Variants in B4GALT6 observed in about 807,000 individuals in gnomAD.
The protein encoded by B4GALT6 is UDP-Gal:beta-GlcNAc beta-1,4-galactosyltransferase 6.
B4GALT6 carries 14 observed loss-of-function variants against 46.3 expected under a neutral mutation model. That is an observed-to-expected ratio of 0.30 (90% confidence interval 0.20 to 0.47). B4GALT6 has a LOEUF of 0.47. B4GALT6 is among the 20% of genes least tolerant of loss of function. The pLI is 0.99. For missense variants in B4GALT6, 386 were observed against 480.1 expected (o/e 0.80, Z 1.83); for synonymous variants, 168 against 162.0 (o/e 1.04, Z -0.28).
At chr18:31,718,239 T>C in the B4GALT6 span, among the ~76,000 whole-genome samples, 1 of 152,208 alleles carries the variant, frequency 6.6e-6, no homozygotes, top group African/African-American at 2.4e-5. Flanking sequence ...TATTTTTGGT[T>C]GTCTCAACTA....
the B4GALT6 span, among the ~76,000 whole-genome samples, chr18:31,711,445 G>C: frequency 6.6e-6 from 1 of 151,618 alleles, no homozygotes; most frequent in South Asian, 2.1e-4. Context: ...GTCTCTTGCT[G>C]TCCCCCTCTT....
chr18:31,634,528 T>C (rs968805633), intron 5 of B4GALT6, among the ~76,000 whole-genome samples: 1 of 152,210 alleles, frequency 6.6e-6, no homozygotes, highest in Non-Finnish European at 1.5e-5. Context: ...CAGCACTCCA[T>C]CTGCTTCCTG....
At chr18:31,638,979 T>C (rs911835917) in intron 4 of B4GALT6, among the ~76,000 whole-genome samples, 2 of 152,206 alleles carry the variant, frequency 1.3e-5, no homozygotes, top group African/African-American at 4.8e-5. Flanking sequence ...TGAAGCGTTT[T>C]CTAAAGATTG....
At chr18:31,637,228 C>A (rs575103128) in intron 5 of B4GALT6, among the ~76,000 whole-genome samples, 2 of 152,162 alleles carry the variant, frequency 1.3e-5, no homozygotes, top group Non-Finnish European at 2.9e-5. Context: ...ATGATTTATT[C>A]AGCTTTGATA....
At chr18:31,708,963 C>G in the B4GALT6 span, among the ~76,000 whole-genome samples, 1 of 152,194 alleles carries the variant, frequency 6.6e-6, no homozygotes, top group Non-Finnish European at 1.5e-5. Flanking sequence ...TTAACTTTCA[C>G]AATTGTTGCA....
At chr18:31,639,074 G>A (rs2073898499) in intron 4 of B4GALT6, among the ~76,000 whole-genome samples, 1 of 152,214 alleles carries the variant, frequency 6.6e-6, no homozygotes, top group African/African-American at 2.4e-5. Flanking sequence ...GTGGCAATAT[G>A]GAGGGCAGAC....
chr18:31,640,618 C>G (rs1003089129), intron 4 of B4GALT6, among the ~76,000 whole-genome samples: 1 of 152,160 alleles, frequency 6.6e-6, no homozygotes, highest in Non-Finnish European at 1.5e-5. Context: ...AGGTCTGGTG[C>G]CCCTGCCAGC....
chr18:31,697,325 G>A, the B4GALT6 span, among the ~76,000 whole-genome samples: 1 of 151,956 alleles, frequency 6.6e-6, no homozygotes, highest in South Asian at 2.1e-4. Flanking sequence ...GGAGAAGATG[G>A]CAGGCAGACT....
chr18:31,708,345 A>C, the B4GALT6 span, among the ~76,000 whole-genome samples: 1 of 152,188 alleles, frequency 6.6e-6, no homozygotes, highest in African/African-American at 2.4e-5. Flanking sequence ...CGGGCAGATC[A>C]CTTGAGGCCA....
intron 1 of B4GALT6, among the ~76,000 whole-genome samples, chr18:31,676,456 T>C (rs976502126): frequency 6.6e-6 from 1 of 152,176 alleles, no homozygotes; most frequent in Non-Finnish European, 1.5e-5. Flanking sequence ...TTACAATGTC[T>C]CTAATAATTA....
At chr18:31,639,968 A>G (rs1381630676) in intron 4 of B4GALT6, among the ~76,000 whole-genome samples, 3 of 152,182 alleles carry the variant, frequency 2.0e-5, no homozygotes, top group Non-Finnish European at 2.9e-5. Context: ...AGTGTTTTCA[A>G]AATTACTTTT....
intron 1 of B4GALT6, among the ~76,000 whole-genome samples, chr18:31,668,075 C>T (rs984740129): frequency 2.8e-5 from 4 of 143,914 alleles, no homozygotes; most frequent in Non-Finnish European, 3.0e-5. Flanking sequence ...CCAGCCTGGG[C>T]GAGGGAGCAA....
At chr18:31,668,733 G>C (rs2074312572) in intron 1 of B4GALT6, among the ~76,000 whole-genome samples, 1 of 151,902 alleles carries the variant, frequency 6.6e-6, no homozygotes, top group Non-Finnish European at 1.5e-5. Flanking sequence ...GGGCGTGGTG[G>C]CTCATGCCTG....
the B4GALT6 span, among the ~76,000 whole-genome samples, chr18:31,698,586 G>A: frequency 1.6e-4 from 25 of 151,738 alleles, no homozygotes; most frequent in Admixed American, 5.2e-4. Context: ...AGCCAAGATC[G>A]TGCCACTGCA....
the B4GALT6 span, among the ~76,000 whole-genome samples, chr18:31,702,778 G>A: frequency 9.5e-3 from 1,445 of 152,262 alleles, 34 homozygotes; most frequent in East Asian, 0.074. Context: ...TCTTCTCTTC[G>A]CTCATCTTCC....
At chr18:31,627,364 T>C (rs1055707935) in intron 6 of B4GALT6, among the ~76,000 whole-genome samples, 10 of 152,184 alleles carry the variant, frequency 6.6e-5, no homozygotes, top group South Asian at 4.1e-4. Context: ...ATATTTAGTA[T>C]ACAAATAAGA....
chr18:31,656,571 C>T (rs1290435377), intron 3 of B4GALT6, among the ~76,000 whole-genome samples: 3 of 151,532 alleles, frequency 2.0e-5, no homozygotes, highest in African/African-American at 7.3e-5. Context: ...ACATATTACA[C>T]ACAAAGGTTA....
rs1598939969 is a variant in B4GALT6 at position 31,684,257 on chromosome 18, G to A, written c.115+55C>T. ...ATCCCAGAAGTAACATCGGATAACAGCCTGCGCTGGCTGTGGTGTGACCAG... is the reference window on the plus strand; with the variant it reads ...ATCCCAGAAGTAACATCGGATAACAACCTGCGCTGGCTGTGGTGTGACCAG... On this transcript the variant is annotated intron_variant, in intron 1 of 8. Coordinates refer to ENST00000306851, the MANE Select transcript of B4GALT6 (RefSeq NM_004775.5). 19 of 1,608,524 alleles carry A rather than the reference G, an allele frequency of 1.2e-5. No homozygotes were observed. The South Asian group carries it at 1.7e-4, about 14-fold the overall frequency.
chr18:31,711,285 G>T, the B4GALT6 span, among the ~76,000 whole-genome samples: 1 of 152,032 alleles, frequency 6.6e-6, no homozygotes, highest in Non-Finnish European at 1.5e-5. Flanking sequence ...TAGGTTCAGG[G>T]TACATTGCAG....
Sources: allele counts gnomAD v4.1 joint callset (sites outside exome capture counted in the v4.1 genomes callset), GRCh38; gene constraint gnomAD v4.1.1; transcripts MANE v1.5; gene names NCBI Gene and HGNC (gene_info 2026-07-23, HGNC 2026-07-21).